DCDC1: variants seen among roughly 807,000 people sequenced by gnomAD.
DCDC1 encodes doublecortin domain-containing protein 1.
A neutral mutation model predicts 178.3 loss-of-function variants in DCDC1; 200 were observed. The observed-to-expected ratio is 1.12, with a 90% confidence interval of 1.00 to 1.26. DCDC1 has a LOEUF of 1.26. DCDC1 is among the 50% of genes most tolerant of loss of function. DCDC1 has a pLI of 0.00. For synonymous variants in DCDC1, 690 were observed against 604.8 expected, an observed-to-expected ratio of 1.14 and a Z score of -2.07; for missense variants, 1,983 against 1,749.2, an observed-to-expected ratio of 1.13 and a Z score of -2.38.
intron 9 of DCDC1, among the ~76,000 whole-genome samples, chr11:31,157,549 C>T (rs74377344): frequency 1.2e-3 from 186 of 151,300 alleles, no homozygotes; most frequent in Middle Eastern, 3.5e-3. Context: ...CATGGGTAAA[C>T]CTTGAAGACA....
intron 9 of DCDC1, among the ~76,000 whole-genome samples, chr11:31,191,532 TA>T (rs1326494111): frequency 6.6e-6 from 1 of 152,084 alleles, no homozygotes; most frequent in East Asian, 1.9e-4. Flanking sequence ...GTATGAACTC[TA>T]AAAGGGAAAT....
intron 21 of DCDC1, among the ~76,000 whole-genome samples, chr11:30,944,968 T>G (rs1947914396): frequency 1.5e-5 from 2 of 134,802 alleles, no homozygotes; most frequent in East Asian, 2.1e-4. Context: ...TCTTTTTTTT[T>G]TTTTTTTTTT....
intron 6 of DCDC1, among the ~76,000 whole-genome samples, chr11:31,300,875 T>C (rs1368257382): frequency 6.6e-6 from 1 of 152,178 alleles, no homozygotes. Context: ...TGAATATAAT[T>C]CAACATTTTA....
chr11:31,232,236 CTT>C (rs1460566017), intron 9 of DCDC1, among the ~76,000 whole-genome samples: 1 of 152,170 alleles, frequency 6.6e-6, no homozygotes, highest in African/African-American at 2.4e-5. Flanking sequence ...TTTTAGAAAT[CTT>C]TTAATTATCA....
At chr11:31,203,885 T>C (rs967986100) in intron 9 of DCDC1, among the ~76,000 whole-genome samples, 1 of 152,152 alleles carries the variant, frequency 6.6e-6, no homozygotes, top group African/African-American at 2.4e-5. Flanking sequence ...AAAAATAAAA[T>C]GTATGTCAGA....
At chr11:30,998,801 T>C (rs1437533407) in intron 20 of DCDC1, among the ~76,000 whole-genome samples, 1 of 152,122 alleles carries the variant, frequency 6.6e-6, no homozygotes, top group African/African-American at 2.4e-5. Context: ...CCTCCCTCCC[T>C]GAGTGTGGGC....
intron 9 of DCDC1, among the ~76,000 whole-genome samples, chr11:31,222,905 A>T (rs1466267728): frequency 6.6e-6 from 1 of 152,218 alleles, no homozygotes; most frequent in Non-Finnish European, 1.5e-5. Flanking sequence ...TCGGGAAGAC[A>T]TAAATATTTG....
At chr11:31,172,706 A>T (rs1967406078) in intron 9 of DCDC1, among the ~76,000 whole-genome samples, 1 of 152,216 alleles carries the variant, frequency 6.6e-6, no homozygotes, top group African/African-American at 2.4e-5. Flanking sequence ...TAAGAAAATC[A>T]TAAGAAGGAG....
intron 9 of DCDC1, among the ~76,000 whole-genome samples, chr11:31,227,454 T>TTCC (rs1387225346): frequency 6.6e-6 from 1 of 152,008 alleles, no homozygotes; most frequent in Non-Finnish European, 1.5e-5. Flanking sequence ...TCTAATCACC[T>TTCC]TCCACCAGGC....
chr11:31,269,516 G>A (rs1221977530), intron 7 of DCDC1, among the ~76,000 whole-genome samples: 1 of 151,736 alleles, frequency 6.6e-6, no homozygotes, highest in Admixed American at 6.6e-5. Context: ...CTTCCAAGCA[G>A]GTGAGACAAC....
chr11:30,877,255 T>C (rs575909545), intron 38 of DCDC1, among the ~76,000 whole-genome samples: 1 of 152,178 alleles, frequency 6.6e-6, no homozygotes, highest in South Asian at 2.1e-4. Flanking sequence ...CACATTAAAG[T>C]GGAGGATTGA....
intron 9 of DCDC1, among the ~76,000 whole-genome samples, chr11:31,207,775 T>C (rs570456392): frequency 2.0e-5 from 3 of 152,304 alleles, no homozygotes; most frequent in South Asian, 4.1e-4. Context: ...CTTTCTACTT[T>C]TTCCCATTCC....
intron 20 of DCDC1, among the ~76,000 whole-genome samples, chr11:30,984,636 C>T (rs72882648): frequency 6.6e-6 from 1 of 152,162 alleles, no homozygotes; most frequent in African/African-American, 2.4e-5. Context: ...CGTAACGTGA[C>T]GTTCAATCCC....
chr11:31,159,567 A>G (rs537282489), intron 9 of DCDC1, among the ~76,000 whole-genome samples: 165 of 152,322 alleles, frequency 1.1e-3, no homozygotes, highest in Admixed American at 2.5e-3. Flanking sequence ...AGAGTCAAAC[A>G]CTACAACTGA....
chr11:31,005,240 CTG>C (rs1951773187), intron 20 of DCDC1, among the ~76,000 whole-genome samples: 1 of 152,200 alleles, frequency 6.6e-6, no homozygotes. Context: ...GCACCAGTAA[CTG>C]TATCGCATTG....
At position 31,241,480 on chromosome 11, in the gene DCDC1, T is replaced by C; in HGVS notation, c.1191A>G (p.Arg397=). The C allele has an allele frequency of 2.5e-6, 1 of 397,452 alleles. No homozygotes were observed. The highest frequency in any genetic ancestry group is 3.6e-5 in the East Asian group (1 of 28,044). The allele number at this position is 397,452 out of a possible 1,614,324, so 24.6% of individuals were successfully genotyped here. A position where few individuals can be genotyped will look rare whatever the true frequency, so the allele number is the denominator to read the frequency against. The stretch of plus-strand genomic sequence containing the variant: ...TATAATATTTTTTTGCAGACTTTAA[T>C]CGTTGGTACAGGGCCAAAAGAACTC... ...IQGVLLALYQ[R]LKSAKKYYKQ... The change falls in exon 9 of 39, where the codon CGA becomes CGG. Residue 397 remains arginine, a synonymous_variant. Transcript: ENST00000684477.
chr11:31,163,499 T>A (rs1281933389), intron 9 of DCDC1, among the ~76,000 whole-genome samples: 1 of 152,204 alleles, frequency 6.6e-6, no homozygotes, highest in Non-Finnish European at 1.5e-5. Context: ...AGAGTTTGTA[T>A]AATGTATATG....
chr11:31,047,204 A>T (rs1277910504), intron 20 of DCDC1, among the ~76,000 whole-genome samples: 1 of 152,208 alleles, frequency 6.6e-6, no homozygotes, highest in African/African-American at 2.4e-5. Flanking sequence ...GAAACCTCTT[A>T]AAGTCCTATA....
At position 31,304,642 on chromosome 11, in the gene DCDC1, G is replaced by T. The variant is rs1427045621; in HGVS notation, c.754+973C>A. The stretch of plus-strand genomic sequence containing the variant: ...TTTATACAATAACATTAACAGAAGG[G>T]AGATTTTTATCACCTCATCTGTAAT... On this transcript the variant is annotated intron_variant, in intron 6 of 38. Coordinates refer to ENST00000684477, the MANE Select transcript of DCDC1 (RefSeq NM_001387274.1). Among the ~76,000 whole-genome samples the T allele has an allele frequency of 2.0e-5, 3 of 152,064 alleles. No homozygotes were observed. The East Asian group carries it at 5.8e-4, about 29-fold the overall frequency.
Sources: allele counts gnomAD v4.1 joint callset (sites outside exome capture counted in the v4.1 genomes callset), GRCh38; gene constraint gnomAD v4.1.1; transcripts MANE v1.5; gene names NCBI Gene and HGNC (gene_info 2026-07-23, HGNC 2026-07-21).